SH3BGRL: variants seen among roughly 807,000 people sequenced by gnomAD.
The protein encoded by SH3BGRL is adapter SH3BGRL.
SH3BGRL carries 7 observed loss-of-function variants against 9.8 expected under a neutral mutation model. The observed-to-expected ratio is 0.72, with a 90% confidence interval of 0.41 to 1.35. The LOEUF (loss-of-function observed/expected upper bound fraction) is 1.35. Ranked by LOEUF, SH3BGRL falls within the 40% of genes most tolerant of loss-of-function variation. The probability of loss-of-function intolerance (pLI) is 0.01; values close to 1 mark genes in which losing one functional copy is unlikely to be tolerated. For missense variants in SH3BGRL, 73 were observed against 84.4 expected, an observed-to-expected ratio of 0.86 and a Z score of 0.53; for synonymous variants, 36 against 29.1, an observed-to-expected ratio of 1.24 and a Z score of -0.76.
intron 1 of SH3BGRL, among the ~76,000 whole-genome samples, chrX:81,261,329 G>T (rs976349417): frequency 9.0e-6 from 1 of 111,279 alleles, no homozygotes; most frequent in African/African-American, 3.3e-5. Flanking sequence ...AATAATATAT[G>T]CAAAGTGCCT....
chrX:81,207,510 A>G (rs2075551034), intron 1 of SH3BGRL, among the ~76,000 whole-genome samples: 2 of 112,180 alleles, frequency 1.8e-5, no homozygotes, highest in African/African-American at 3.2e-5. Flanking sequence ...GTTCTTCATT[A>G]TGTGGTTCTC....
chrX:81,268,588 G>T (rs1231837930), intron 1 of SH3BGRL, among the ~76,000 whole-genome samples: 1 of 111,846 alleles, frequency 8.9e-6, no homozygotes, highest in Non-Finnish European at 1.9e-5. Context: ...GAGGCAGTTT[G>T]TTGTGATTTT....
chrX:81,228,628 A>G (rs917606825), intron 1 of SH3BGRL, among the ~76,000 whole-genome samples: 1 of 111,600 alleles, frequency 9.0e-6, no homozygotes, highest in Admixed American at 9.5e-5. Flanking sequence ...GGCCTGAACT[A>G]GATTTTCAGG....
At chrX:81,225,948 A>G (rs950686746) in intron 1 of SH3BGRL, among the ~76,000 whole-genome samples, 1 of 111,146 alleles carries the variant, frequency 9.0e-6, no homozygotes, top group African/African-American at 3.3e-5. Context: ...ATCTACTCTC[A>G]TCATTTTTTA....
At chrX:81,233,470 G>A (rs1333473340) in intron 1 of SH3BGRL, among the ~76,000 whole-genome samples, 2 of 111,561 alleles carry the variant, frequency 1.8e-5, no homozygotes, top group Non-Finnish European at 3.8e-5. Flanking sequence ...ATAGGACTTT[G>A]ATATCCATGA....
chrX:81,235,784 C>T (rs138882364), intron 1 of SH3BGRL, among the ~76,000 whole-genome samples: 1 of 111,321 alleles, frequency 9.0e-6, no homozygotes, highest in South Asian at 3.8e-4. Context: ...CTTTTTTCTC[C>T]TTGTTATTAC....
At chrX:81,243,884 C>T (rs2147689338) in intron 1 of SH3BGRL, among the ~76,000 whole-genome samples, 1 of 111,058 alleles carries the variant, frequency 9.0e-6, no homozygotes, top group African/African-American at 3.3e-5. Flanking sequence ...TGTTTACTAC[C>T]TTATGTCTAA....
intron 1 of SH3BGRL, among the ~76,000 whole-genome samples, chrX:81,270,803 C>T (rs768976256): frequency 5.3e-5 from 6 of 112,156 alleles, no homozygotes; most frequent in South Asian, 3.7e-4. Flanking sequence ...AGCTGTCAGC[C>T]GCCTTTTGTT....
chrX:81,232,149 A>G (rs941046482), intron 1 of SH3BGRL, among the ~76,000 whole-genome samples: 1 of 111,210 alleles, frequency 9.0e-6, no homozygotes, highest in Non-Finnish European at 1.9e-5. Context: ...CTATAGCTAT[A>G]TTTTATATAT....
chrX:81,287,080 A>T (rs192850454), intron 3 of SH3BGRL, among the ~76,000 whole-genome samples: 12 of 111,811 alleles, frequency 1.1e-4, no homozygotes, highest in African/African-American at 3.2e-4. Context: ...AAAGATTGAT[A>T]GTGTGTCACT....
chrX:81,250,081 A>G (rs2075704418), intron 1 of SH3BGRL, among the ~76,000 whole-genome samples: 1 of 108,793 alleles, frequency 9.2e-6, no homozygotes, highest in Non-Finnish European at 1.9e-5. Flanking sequence ...TTCTGGAGTT[A>G]TGGACTTGCT....
At chrX:81,234,281 T>C (rs1458534226) in intron 1 of SH3BGRL, among the ~76,000 whole-genome samples, 3 of 111,478 alleles carry the variant, frequency 2.7e-5, no homozygotes, top group African/African-American at 6.5e-5. Flanking sequence ...AAGGCAAATG[T>C]TAAAAAAAAT....
At chrX:81,218,238 G>C (rs1337253912) in intron 1 of SH3BGRL, among the ~76,000 whole-genome samples, 1 of 110,418 alleles carries the variant, frequency 9.1e-6, no homozygotes, top group African/African-American at 3.3e-5. Context: ...GAACATTTAG[G>C]CTACTTACAT....
rs749157677 is a variant in SH3BGRL, at chrX:81,237,082, A to G, written c.45+34837A>G. 2.2e-5 allele frequency: 20 copies of G among 912,594 alleles called. No homozygotes were observed. In the South Asian group the frequency reaches 4.1e-4, roughly 19 times the overall value. The allele number at this position is 912,594 out of a possible 1,213,427, so 75.2% of individuals were successfully genotyped here. A position where few individuals can be genotyped will look rare whatever the true frequency, so the allele number is the denominator to read the frequency against. ...ATGGTAGTGAGAGAAAAGTCAAGTA[A>G]TGTTATTGAATTAAATTCTTACTTG... On this transcript the variant is annotated intron_variant, in intron 1 of 3. Coordinates refer to ENST00000373212, the MANE Select transcript of SH3BGRL (RefSeq NM_003022.3).
chrX:81,281,744 C>T (rs1257301804), intron 3 of SH3BGRL, among the ~76,000 whole-genome samples: 2 of 111,956 alleles, frequency 1.8e-5, no homozygotes, highest in African/African-American at 3.2e-5. Context: ...AACAAAAATA[C>T]AAGCTTGAAA....
chrX:81,246,438 A>G (rs1457137672), intron 1 of SH3BGRL, among the ~76,000 whole-genome samples: 1 of 111,723 alleles, frequency 9.0e-6, no homozygotes, highest in Non-Finnish European at 1.9e-5. Context: ...TTATAGTTTG[A>G]GGTCTTACAT....
chrX:81,238,792 CAG>C (rs766291990), intron 1 of SH3BGRL, among the ~76,000 whole-genome samples: 5,831 of 90,608 alleles, frequency 0.064, 177 homozygotes, highest in South Asian at 0.2. Context: ...TAGTGCAGAA[CAG>C]AGAGAGAGAG....
chrX:81,239,816 G>A (rs1024919262), intron 1 of SH3BGRL, among the ~76,000 whole-genome samples: 5 of 112,222 alleles, frequency 4.5e-5, no homozygotes, highest in Non-Finnish European at 9.4e-5. Context: ...AATGCATCTG[G>A]CAGCAGACTA....
At chrX:81,232,034 A>G (rs1262445816) in intron 1 of SH3BGRL, among the ~76,000 whole-genome samples, 1 of 110,092 alleles carries the variant, frequency 9.1e-6, no homozygotes, top group African/African-American at 3.3e-5. Flanking sequence ...CCACACACAC[A>G]CACCTCAAAG....
Sources: allele counts gnomAD v4.1 joint callset (sites outside exome capture counted in the v4.1 genomes callset), GRCh38; gene constraint gnomAD v4.1.1; transcripts MANE v1.5; gene names NCBI Gene and HGNC (gene_info 2026-07-23, HGNC 2026-07-21).